ICE1: variants seen among roughly 807,000 people sequenced by gnomAD.
ICE1 encodes the protein interactor of little elongation complex ELL subunit 1, also known as little elongation complex subunit 1.
ICE1 carries 64 observed loss-of-function variants against 192.7 expected under a neutral mutation model. That is an observed-to-expected ratio of 0.33 (90% CI 0.27 to 0.41). The LOEUF (loss-of-function observed/expected upper bound fraction) is 0.41. Ranked by LOEUF, ICE1 falls within the 10% of genes least tolerant of loss-of-function variation. The pLI, the probability that ICE1 is intolerant of heterozygous loss-of-function variation, is 1.00. For synonymous variants in ICE1, 1,010 were observed against 984.5 expected, an observed-to-expected ratio of 1.03 and a Z score of -0.49; for missense variants, 2,708 against 2,696.0, an observed-to-expected ratio of 1.00 and a Z score of -0.10.
At chr5:5,432,637 T>C (rs1356072818) in intron 1 of ICE1, among the ~76,000 whole-genome samples, 1 of 152,196 alleles carries the variant, frequency 6.6e-6, no homozygotes, top group Non-Finnish European at 1.5e-5. Flanking sequence ...ACCAGCAATG[T>C]ATGAGGAATG....
At chr5:5,440,797 A>G (rs1738023241) in intron 4 of ICE1, among the ~76,000 whole-genome samples, 1 of 152,018 alleles carries the variant, frequency 6.6e-6, no homozygotes, top group South Asian at 2.1e-4. Context: ...TGAGGCAGGA[A>G]GATCACTTGA....
rs771322030 is a variant in ICE1, at chr5:5,443,238, A to T, written c.380A>T (p.Asp127Val). 4.1e-6 allele frequency: 6 copies of T among 1,473,662 alleles called. No individual in the cohort carries two copies. Among genetic ancestry groups the T allele is most frequent in the Non-Finnish European group, 2.7e-6 (3 of 1,094,196 alleles). The allele number at this position is 1,473,662 out of a possible 1,614,324, so 91.3% of individuals were successfully genotyped here. The stretch of plus-strand genomic sequence containing the variant: ...GTAAAGGAAGAATGCTTGAAGAGTG[A>T]TGCTCAGTAAGTAGTTACTAAATTA... ...ARVKEECLKSDAQKKKLEAKV... is the reference protein window; with the variant it reads ...ARVKEECLKSVAQKKKLEAKV... Residue 127 changes from aspartate (D) to valine (V), a missense_variant, in exon 6 of 19, where the codon GAT becomes GTT. By Grantham distance (152) the Asp-to-Val change is radical. This residue lies in a region of ICE1 where 2,366 missense variants were observed against 2,276.6 expected (regional missense o/e 1.04). Transcript: ENST00000296564.
intron 17 of ICE1, among the ~76,000 whole-genome samples, chr5:5,486,287 A>G (rs13357082): frequency 0.062 from 9,488 of 152,298 alleles, 972 homozygotes; most frequent in African/African-American, 0.22. Context: ...TTGCACCATC[A>G]GACCACATGT....
rs756752156 is a variant in ICE1, at chr5:5,463,408, TGGGGAAGAA to T, written c.4076_4084del (p.Gly1359_Glu1361del). 6.2e-7 allele frequency: 1 copy of T among 1,613,250 alleles called. No homozygotes were observed. Among genetic ancestry groups the T allele is most frequent in the Admixed American group, 1.7e-5 (1 of 59,962 alleles). On this transcript the variant is annotated inframe_deletion, in exon 13 of 19. Coordinates refer to ENST00000296564, the MANE Select transcript of ICE1 (RefSeq NM_015325.3). ...CAGATGCAGGCAGGCAAACCGATGG[TGGGGAAGAA>T]GACCTGCCAGAACCTGTGGAGCCAT...
Position 5,467,747 on chromosome 5 carries a change from ATTCTT to A in ICE1, c.6062-1080_6062-1076del, listed in dbSNP as rs1739030217. ...AGTGAGTTTATGCTTTGAGCTATCTATTCTTAGATGTGTCAGTGATAGATAAAGTA... is the reference window on the plus strand; with the variant it reads ...AGTGAGTTTATGCTTTGAGCTATCTAAGATGTGTCAGTGATAGATAAAGTA... On this transcript the variant is annotated intron_variant, in intron 14 of 18. Transcript: ENST00000296564. Among the ~76,000 whole-genome samples the A allele has an allele frequency of 2.0e-5, 3 of 152,352 alleles. No individual in the cohort carries two copies. The South Asian group carries it at 6.2e-4, about 32-fold the overall frequency.
intron 17 of ICE1, among the ~76,000 whole-genome samples, chr5:5,477,168 G>GA (rs534382540): frequency 7.2e-4 from 109 of 151,900 alleles, no homozygotes; most frequent in Non-Finnish European, 1.2e-3. Flanking sequence ...CTCTTAGACA[G>GA]AAAAAACCCT....
At position 5,457,419 on chromosome 5, in the gene ICE1, C is replaced by T. The variant is rs1387859968; in HGVS notation, c.779C>T (p.Ser260Leu). The change falls in exon 12 of 19, where the codon TCA (serine) becomes TTA (leucine). Residue 260 changes from serine (S) to leucine (L), a missense_variant. Physicochemically the swap from Ser to Leu is moderately radical, Grantham distance 145. This residue lies in a region of ICE1 where 2,366 missense variants were observed against 2,276.6 expected (regional missense o/e 1.04). Coordinates refer to ENST00000296564, the MANE Select transcript of ICE1 (RefSeq NM_015325.3). ...ACACAGGGCAGCCCTCTCAGGACCT[C>T]AAATGTGCAGACATGCCTCACAAAA... ...PPTQGSPLRT[S>L]NVQTCLTKLS... is the part of the protein sequence containing the mutation. 3.1e-6 allele frequency: 5 copies of T among 1,613,626 alleles called. No homozygotes were observed. In the Admixed American group the frequency reaches 5.0e-5, roughly 16 times the overall value.
chr5:5,473,765 A>T lies in ICE1; in HGVS notation c.6413+17A>T, dbSNP rs754373754. On this transcript the variant is annotated intron_variant, in intron 16 of 18. Coordinates refer to ENST00000296564, the MANE Select transcript of ICE1 (RefSeq NM_015325.3). ...CATCATAAGGTTAGTTATTTTACTAATTTAAATAAAGATATGTTATTGTAA... is the reference window on the plus strand; with the variant it reads ...CATCATAAGGTTAGTTATTTTACTATTTTAAATAAAGATATGTTATTGTAA... 2.0e-6 allele frequency: 3 copies of T among 1,514,344 alleles called. No individual in the cohort carries two copies. In the African/African-American group the frequency reaches 4.3e-5, roughly 21 times the overall value. 93.8% of individuals were successfully genotyped at this position (1,514,344 alleles called of 1,614,324 possible).
chr5:5,482,426 TAGAA>T (rs1190706959), intron 17 of ICE1, among the ~76,000 whole-genome samples: 1 of 152,184 alleles, frequency 6.6e-6, no homozygotes, highest in Non-Finnish European at 1.5e-5. Flanking sequence ...GATGGATAAT[TAGAA>T]AGCGTAATGT....
Position 5,463,766 on chromosome 5 carries a change from C to G in ICE1, c.4432C>G (p.Pro1478Ala). 1 of 1,613,902 alleles carries G rather than the reference C, an allele frequency of 6.2e-7. No individual in the cohort carries two copies. Residue 1478 changes from proline (P) to alanine (A), a missense_variant, in exon 13 of 19, where the codon CCT becomes GCT. By Grantham distance (27) the Pro-to-Ala change is conservative (BLOSUM62 -1). Around this residue, in one of 2 missense-constraint regions of ICE1, gnomAD observed 2,366 missense variants for 2,276.6 expected, o/e 1.04. Transcript: ENST00000296564. ...EKSPEASHTG[P>A]AFQEAPCGNN... ...GTCCCCAGAGGCCAGTCACACTGGC[C>G]CTGCATTTCAGGAGGCTCCATGTGG...
Position 5,461,772 on chromosome 5 carries a change from A to G in ICE1, c.2438A>G (p.Gln813Arg), listed in dbSNP as rs1738790055. 1 of 1,613,942 alleles carries G rather than the reference A, an allele frequency of 6.2e-7. No homozygotes were observed. The highest frequency in any genetic ancestry group is 1.7e-5 in the Admixed American group (1 of 60,020). ...ESLRAKSEHE[Q>R]KTSHQLQKAM... Reference sequence around the variant, plus strand: ...CTGAGAGCCAAATCAGAACATGAACAGAAGACTAGCCATCAGTTACAAAAG... The same window carrying G: ...CTGAGAGCCAAATCAGAACATGAACGGAAGACTAGCCATCAGTTACAAAAG... Residue 813 changes from glutamine (Q) to arginine (R), a missense_variant, in exon 13 of 19, where the codon CAG (glutamine) becomes CGG (arginine). Coordinates refer to ENST00000296564, the MANE Select transcript of ICE1 (RefSeq NM_015325.3).
Position 5,457,488 on chromosome 5 carries a change from A to G in ICE1, c.848A>G (p.Glu283Gly). ...GAGGACTTTTTATGTCAAAATGTGGAAAAACAGAGCTCCAGTGGAACAAAT... is the reference window on the plus strand; with the variant it reads ...GAGGACTTTTTATGTCAAAATGTGGGAAAACAGAGCTCCAGTGGAACAAAT... ...IKEDFLCQNV[E>G]KQSSSGTNCS... The change falls in exon 12 of 19, where the codon GAA (glutamate) becomes GGA (glycine). Residue 283 changes from glutamate (E) to glycine (G), a missense_variant. Glu to Gly is a moderately conservative substitution (Grantham distance 98). Transcript: ENST00000296564. 1 of 1,613,996 alleles carries G rather than the reference A, an allele frequency of 6.2e-7. No individual in the cohort carries two copies. The highest frequency in any genetic ancestry group is 1.3e-5 in the African/African-American group (1 of 75,048).
At chr5:5,470,035 C>T (rs1032876820) in intron 15 of ICE1, among the ~76,000 whole-genome samples, 5 of 152,068 alleles carry the variant, frequency 3.3e-5, no homozygotes, top group African/African-American at 4.8e-5. Flanking sequence ...TACTGCCTTC[C>T]GAGGGTTACC....
chr5:5,464,323 C>T lies in ICE1; in HGVS notation c.4989C>T (p.Ala1663=), dbSNP rs756922243. 6.2e-6 allele frequency: 10 copies of T among 1,613,700 alleles called. No individual in the cohort carries two copies. The South Asian group carries it at 7.7e-5, about 12-fold the overall frequency. Residue 1663 remains alanine, a synonymous_variant, in exon 13 of 19, where the codon GCC becomes GCT. Transcript: ENST00000296564. This position sits in a 1 kb window ranked among gnomAD's most constrained non-coding sequence, Gnocchi z 4.0. ...LISSSSPSSP[A]SPVGQVSPFR... Reference sequence around the variant, plus strand: ...CGAGTTCTAGTCCTTCCTCACCAGCCTCTCCTGTTGGCCAGGTTTCTCCCT... The same window carrying T: ...CGAGTTCTAGTCCTTCCTCACCAGCTTCTCCTGTTGGCCAGGTTTCTCCCT...
At chr5:5,449,799 A>G (rs182666012) in intron 10 of ICE1, among the ~76,000 whole-genome samples, 2 of 152,338 alleles carry the variant, frequency 1.3e-5, no homozygotes, top group African/African-American at 4.8e-5. Flanking sequence ...AGTTTTAGCT[A>G]TGACAATGGA....
Position 5,463,160 on chromosome 5 carries a change from G to A in ICE1, c.3826G>A (p.Asp1276Asn). 1.2e-6 allele frequency: 2 copies of A among 1,612,168 alleles called. No individual in the cohort carries two copies. Among genetic ancestry groups the A allele is most frequent in the Admixed American group, 1.7e-5 (1 of 59,770 alleles). The change falls in exon 13 of 19, where the codon GAT becomes AAT. Residue 1276 changes from aspartate to asparagine, a missense_variant. By Grantham distance (23) the Asp-to-Asn change is conservative. Transcript: ENST00000296564. ...IRQELQTNSE[D>N]CNGKDTGSLL... is the part of the protein sequence containing the mutation. The stretch of plus-strand genomic sequence containing the variant: ...GCAAGAACTTCAAACAAATTCTGAA[G>A]ATTGCAATGGTAAAGATACTGGCAG...
At chr5:5,486,954 C>T (rs557225959) in intron 18 of ICE1, 135 bp downstream of exon 18, 2 of 567,906 alleles carry the variant, frequency 3.5e-6, no homozygotes, top group South Asian at 2.5e-5. Context: ...ATTTGCAAAA[C>T]ATTCCAGCAT....
At position 5,461,150 on chromosome 5, in the gene ICE1, G is replaced by C. The variant is rs1053106430; in HGVS notation, c.1816G>C (p.Glu606Gln). The change falls in exon 13 of 19, where the codon GAA (glutamate) becomes CAA (glutamine). Residue 606 changes from glutamate to glutamine, a missense_variant. Transcript: ENST00000296564. ...AGATACTCAAGGGTTCACTTTAGGA[G>C]AATCACCTGAATCAGAAGATGATGA... ...KEDTQGFTLG[E>Q]SPESEDDDSG... is the part of the protein sequence containing the mutation. The C allele has an allele frequency of 6.2e-7, 1 of 1,613,866 alleles. No homozygotes were observed. The highest frequency in any genetic ancestry group is 8.5e-7 in the Non-Finnish European group (1 of 1,179,872).
At chr5:5,482,717 A>G (rs80089210) in intron 17 of ICE1, among the ~76,000 whole-genome samples, 6,056 of 151,794 alleles carry the variant, frequency 0.04, 367 homozygotes, top group East Asian at 0.28. Context: ...AAGTGAGTGA[A>G]GCCTGCTGTT....
Sources: gnomAD v4.1 joint callset for allele counts (sites outside exome capture counted in the v4.1 genomes callset) on GRCh38, gnomAD v4.1.1 for gene constraint, gnomAD v4.1.1 regional missense constraint, Gnocchi (gnomAD v3.1) non-coding constraint, MANE v1.5 for transcripts, NCBI Gene and HGNC (gene_info 2026-07-23, HGNC 2026-07-21) for gene names.